GNPTG: variants seen among roughly 807,000 people sequenced by gnomAD.
The protein encoded by GNPTG is N-acetylglucosamine-1-phosphotransferase subunit gamma.
Under a neutral mutation model 43.8 loss-of-function variants are expected in GNPTG, and 46 were observed. That is an observed-to-expected ratio of 1.05 (90% CI 0.83 to 1.34). GNPTG has a LOEUF of 1.34. Among genes scored for constraint, GNPTG ranks in the 40% most tolerant of loss-of-function variants. GNPTG has a pLI of 0.00. For missense variants in GNPTG, 549 were observed against 411.3 expected (o/e 1.33, Z -2.90); for synonymous variants, 250 against 172.8 (o/e 1.45, Z -3.50).
Position 1,351,932 on chromosome 16 carries a change from C to A in GNPTG, c.-34C>A. ...GGTCCCCGTGGTCACGTGACCGTCA[C>A]TTCACGTGACCGCGCGGCGGCCGCT... On this transcript the variant is annotated 5_prime_UTR_variant, in exon 1 of 11. Coordinates refer to ENST00000204679, the MANE Select transcript of GNPTG (RefSeq NM_032520.5). 3.1e-6 allele frequency: 4 copies of A among 1,276,556 alleles called. No individual in the cohort carries two copies. The South Asian group carries it at 8.3e-5, about 26-fold the overall frequency. 79.1% of individuals were successfully genotyped at this position (1,276,556 alleles called of 1,614,324 possible).
chr16:1,362,063 A>G lies in GNPTG; in HGVS notation c.343A>G (p.Asn115Asp). Reference protein sequence around the residue: ...LGIWHEWEIANNTFTGMWMRD... With the variant: ...LGIWHEWEIADNTFTGMWMRD... ...CATCTGGCACGAGTGGGAGATCGCC[A>G]ACAACACCTTCACGGGCATGTGGAT... The change falls in exon 6 of 11, where the codon AAC becomes GAC. Residue 115 changes from asparagine (N) to aspartate (D), a missense_variant. Coordinates refer to ENST00000204679, the MANE Select transcript of GNPTG (RefSeq NM_032520.5). 1 of 1,612,448 alleles carries G rather than the reference A, an allele frequency of 6.2e-7. No homozygotes were observed. The highest frequency in any genetic ancestry group is 8.5e-7 in the Non-Finnish European group (1 of 1,179,518).
At chr16:1,357,680 A>AT (rs1369383542) in intron 3 of GNPTG, 2 of 153,602 alleles carry the variant, frequency 1.3e-5, no homozygotes, top group African/African-American at 2.4e-5. Flanking sequence ...TGCCCGGCTA[A>AT]TTTTTTGTGT....
intron 3 of GNPTG, among the ~76,000 whole-genome samples, chr16:1,356,748 G>T (rs1170324050): frequency 1.3e-5 from 2 of 152,216 alleles, no homozygotes; most frequent in African/African-American, 4.8e-5. Context: ...AGCTAAGCCC[G>T]GCGCCCACGC....
chr16:1,352,081 T>C, intron 1 of GNPTG, 21 bp from the exon 2 acceptor site: 3 of 1,551,660 alleles, frequency 1.9e-6, no homozygotes, highest in Non-Finnish European at 1.7e-6. Flanking sequence ...GCCTCCCCGC[T>C]CACGGTCTCG....
rs1189402444 is a variant in GNPTG, at chr16:1,362,867, T to G, written c.784T>G (p.Leu262Val). ...AAAGGAGATCAAAAGGCTGAAAGGT[T>G]TGCTCACCCAGCACGGCATCCCCTA... ...LSKEIKRLKGLLTQHGIPYTR... is the reference protein window; with the variant it reads ...LSKEIKRLKGVLTQHGIPYTR... Residue 262 changes from leucine to valine, a missense_variant, in exon 10 of 11, where the codon TTG (leucine) becomes GTG (valine). By Grantham distance (32) the Leu-to-Val change is conservative. Transcript: ENST00000204679. The G allele has an allele frequency of 8.1e-6, 13 of 1,613,366 alleles. No individual in the cohort carries two copies. Among genetic ancestry groups the G allele is most frequent in the Non-Finnish European group, 8.5e-6 (10 of 1,179,840 alleles).
chr16:1,354,597 A>AC (rs1567180514), intron 3 of GNPTG, among the ~76,000 whole-genome samples: 1 of 150,138 alleles, frequency 6.7e-6, no homozygotes. Flanking sequence ...AAAAAAAAAA[A>AC]AAAAAAAAAA....
intron 3 of GNPTG, among the ~76,000 whole-genome samples, chr16:1,360,031 C>A (rs1334977788): frequency 6.6e-6 from 1 of 152,012 alleles, no homozygotes; most frequent in Non-Finnish European, 1.5e-5. Flanking sequence ...ATCGGTTGAA[C>A]CCAGTGGTGG....
Position 1,363,204 on chromosome 16 carries a change from C to G in GNPTG, c.*113C>G. The G allele has an allele frequency of 1.1e-6, 1 of 876,402 alleles. No homozygotes were observed. The highest frequency in any genetic ancestry group is 1.8e-6 in the Non-Finnish European group (1 of 542,034). 54.3% of individuals were successfully genotyped at this position (876,402 alleles called of 1,614,324 possible). A position where few individuals can be genotyped will look rare whatever the true frequency, so the allele number is the denominator to read the frequency against. ...CTTGTGCTCAGAGAAGCAGACAAAA[C>G]AAAGATTCAAGGTTTTAATTAATTC... On this transcript the variant is annotated 3_prime_UTR_variant, in exon 11 of 11. Transcript: ENST00000204679.
Position 1,352,037 on chromosome 16 carries a change from G to A in GNPTG, c.52+20G>A, listed in dbSNP as rs1030320804. The A allele has an allele frequency of 9.4e-6, 14 of 1,495,586 alleles. No homozygotes were observed. The African/African-American group carries it at 1.3e-4, about 14-fold the overall frequency. The allele number at this position is 1,495,586 out of a possible 1,614,324, so 92.6% of individuals were successfully genotyped here. ...CCGGCGGTGAGTGGCCCGGCCGTCC[G>A]CGTCCCCAGGCCCCGCGCGCGCTCT... On this transcript the variant is annotated intron_variant, in intron 1 of 10. Transcript: ENST00000204679.
At chr16:1,359,434 A>T (rs1052296801) in intron 3 of GNPTG, among the ~76,000 whole-genome samples, 1 of 150,456 alleles carries the variant, frequency 6.6e-6, no homozygotes, top group Admixed American at 6.6e-5. Context: ...ACGCCTGGCT[A>T]ATTTTTTTGT....
intron 7 of GNPTG, 42 bp from the exon 8 acceptor site, chr16:1,362,410 G>C: frequency 6.2e-7 from 1 of 1,612,210 alleles, no homozygotes; most frequent in Non-Finnish European, 8.5e-7. Context: ...CCAGGGTTGG[G>C]ACATGGGGTG....
chr16:1,355,612 A>C (rs893187901), intron 3 of GNPTG, among the ~76,000 whole-genome samples: 3 of 152,018 alleles, frequency 2.0e-5, no homozygotes, highest in Non-Finnish European at 4.4e-5. Flanking sequence ...TGGAGAGGGA[A>C]TGGGGCACGG....
intron 3 of GNPTG, among the ~76,000 whole-genome samples, chr16:1,353,696 A>C (rs960857048): frequency 2.3e-4 from 35 of 152,086 alleles, no homozygotes; most frequent in Non-Finnish European, 1.3e-4. Flanking sequence ...GCAAATGTTA[A>C]GTGTTCTTGT....
In GNPTG at chr16:1,362,599, C is replaced by T. The variant is rs1488438937; in HGVS notation, c.610-12C>T. Reference sequence around the variant, plus strand: ...GGGAGCTGGGTGCTGCCCCTGCATCCTCCACCTTCAGGGCCATGAGAAGTT... The same window carrying T: ...GGGAGCTGGGTGCTGCCCCTGCATCTTCCACCTTCAGGGCCATGAGAAGTT... On this transcript the variant is annotated splice_polypyrimidine_tract_variant and intron_variant, in intron 8 of 10. Coordinates refer to ENST00000204679, the MANE Select transcript of GNPTG (RefSeq NM_032520.5). 1.9e-6 allele frequency: 3 copies of T among 1,614,212 alleles called. No individual in the cohort carries two copies. The highest frequency in any genetic ancestry group is 2.2e-5 in the South Asian group (2 of 91,084).
chr16:1,355,402 G>A (rs1387783915), intron 3 of GNPTG, among the ~76,000 whole-genome samples: 1 of 152,144 alleles, frequency 6.6e-6, no homozygotes, highest in Non-Finnish European at 1.5e-5. Context: ...TGTGGCCTAG[G>A]GCTCAGAAGG....
intron 3 of GNPTG, chr16:1,358,368 G>C (rs1002078960): frequency 2.6e-5 from 4 of 152,188 alleles, no homozygotes; most frequent in African/African-American, 9.7e-5. Flanking sequence ...ACTCATAACT[G>C]TGTGCGACCT....
At chr16:1,352,402 T>C in intron 3 of GNPTG, 96 bp downstream of exon 3, 1 of 1,216,230 alleles carries the variant, frequency 8.2e-7, no homozygotes, top group Non-Finnish European at 1.2e-6. Context: ...CGGCCCGGAG[T>C]CTAAAGCATT....
In GNPTG at chr16:1,355,120, C is replaced by T. The variant is rs190126789; in HGVS notation, c.178+2814C>T. 3.2e-3 allele frequency among the ~76,000 whole-genome samples: 486 copies of T among 151,088 alleles called. 3 individuals are homozygous for T. The highest frequency in any genetic ancestry group is 0.012 in the African/African-American group (473 of 40,694). ...GTCTGCGGGGTCGGGTGTGGATGGT[C>T]TCCCGCCTCTGCGGGGTCGGGTGTG... is the stretch of plus-strand genomic sequence containing the variant. On this transcript the variant is annotated intron_variant, in intron 3 of 10. Coordinates refer to ENST00000204679, the MANE Select transcript of GNPTG (RefSeq NM_032520.5).
chr16:1,359,759 G>A (rs550515411), intron 3 of GNPTG, among the ~76,000 whole-genome samples: 60 of 152,198 alleles, frequency 3.9e-4, no homozygotes, highest in African/African-American at 1.4e-3. Context: ...TTGGGGTTTT[G>A]ATGGGGTTGC....
Sources: allele counts gnomAD v4.1 joint callset (sites outside exome capture counted in the v4.1 genomes callset), GRCh38; gene constraint gnomAD v4.1.1; transcripts MANE v1.5; gene names NCBI Gene and HGNC (gene_info 2026-07-23, HGNC 2026-07-21).